CADPS2: variants seen among roughly 807,000 people sequenced by gnomAD.
CADPS2 encodes the protein calcium-dependent secretion activator 2.
CADPS2 carries 93 observed loss-of-function variants against 172.5 expected under a neutral mutation model. That is an observed-to-expected ratio of 0.54 (90% CI 0.46 to 0.64). The LOEUF (loss-of-function observed/expected upper bound fraction) is 0.64. CADPS2 is among the 30% of genes least tolerant of loss of function. CADPS2 has a pLI of 0.00. For missense variants in CADPS2, 1,420 were observed against 1,565.9 expected (o/e 0.91, Z 1.57); for synonymous variants, 546 against 555.2 (o/e 0.98, Z 0.23).
intron 2 of CADPS2, among the ~76,000 whole-genome samples, chr7:122,701,399 A>G (rs1363385988): frequency 2.0e-5 from 3 of 151,950 alleles, no homozygotes; most frequent in Non-Finnish European, 4.4e-5. Flanking sequence ...ATGAGAACAC[A>G]TGGACACAGG....
At position 122,663,579 on chromosome 7, in the gene CADPS2, A is replaced by C. The variant is rs2080851094; in HGVS notation, c.454-10T>G. 10 of 1,526,898 alleles carry C rather than the reference A, an allele frequency of 6.5e-6. No homozygotes were observed. Among genetic ancestry groups the C allele is most frequent in the South Asian group, 3.6e-5 (3 of 82,212 alleles). 94.6% of individuals were successfully genotyped at this position (1,526,898 alleles called of 1,614,324 possible). A position where few individuals can be genotyped will look rare whatever the true frequency, so the allele number is the denominator to read the frequency against. On this transcript the variant is annotated splice_polypyrimidine_tract_variant and intron_variant, in intron 2 of 29. Transcript: ENST00000449022. The stretch of plus-strand genomic sequence containing the variant: ...CACTCTTTAGAAAAACCTGAAAACA[A>C]AACAAAACAAAACAAAACAAAAAAC...
Position 122,886,230 on chromosome 7 carries a change from C to T in CADPS2, c.108G>A (p.Pro36=), listed in dbSNP as rs1230917610. ...AGSSQRAPPA[P]TREGRRDAPG... ...GCGCGTCCCGCCGCCCTTCCCGAGT[C>T]GGGGCTGGAGGAGCTCGCTGCGAGC... The change falls in exon 1 of 30, where the codon CCG becomes CCA. Residue 36 remains proline, a synonymous_variant. Transcript: ENST00000449022. 2.0e-6 allele frequency: 3 copies of T among 1,482,192 alleles called. No homozygotes were observed. The highest frequency in any genetic ancestry group is 2.7e-6 in the Non-Finnish European group (3 of 1,125,818). The allele number at this position is 1,482,192 out of a possible 1,614,324, so 91.8% of individuals were successfully genotyped here. A position where few individuals can be genotyped will look rare whatever the true frequency, so the allele number is the denominator to read the frequency against.
intron 2 of CADPS2, chr7:122,697,597 G>A (rs550964731): frequency 6.4e-4 from 329 of 515,788 alleles, no homozygotes; most frequent in African/African-American, 5.8e-3. Context: ...ACTTAGCAAA[G>A]GTCCAAAATT....
chr7:122,767,077 C>T (rs1589079384), intron 1 of CADPS2, among the ~76,000 whole-genome samples: 1 of 152,204 alleles, frequency 6.6e-6, no homozygotes, highest in East Asian at 1.9e-4. Flanking sequence ...AGACAGTTGC[C>T]TTCCAAAGCA....
chr7:122,424,713 C>T (rs1369679771), intron 17 of CADPS2, among the ~76,000 whole-genome samples: 4 of 152,180 alleles, frequency 2.6e-5, no homozygotes, highest in Non-Finnish European at 1.5e-5. Context: ...ACATTCGGCC[C>T]AATTTGAGTT....
chr7:122,488,480 G>A (rs2058034165), intron 11 of CADPS2, among the ~76,000 whole-genome samples: 1 of 152,198 alleles, frequency 6.6e-6, no homozygotes, highest in Non-Finnish European at 1.5e-5. Flanking sequence ...ATGATGTAAG[G>A]AATTCATAGG....
chr7:122,393,597 C>G lies in CADPS2; in HGVS notation c.2747-15G>C. 6.2e-7 allele frequency: 1 copy of G among 1,613,470 alleles called. No homozygotes were observed. Among genetic ancestry groups the G allele is most frequent in the Non-Finnish European group, 8.5e-7 (1 of 1,179,666 alleles). ...ACACAAAAGTGCTGAAATAGCCAAG[C>G]AGAAACAGTGTTTGTCAGAGGGATA... is the stretch of plus-strand genomic sequence containing the variant. On this transcript the variant is annotated splice_polypyrimidine_tract_variant and intron_variant, in intron 20 of 29. Transcript: ENST00000449022.
chr7:122,345,802 T>A, intron 27 of CADPS2, 121 bp from the exon 28 acceptor site: 1 of 595,930 alleles, frequency 1.7e-6, no homozygotes, highest in East Asian at 3.0e-5. Context: ...AGCTTAAAAC[T>A]AAACCAAAAG....
intron 6 of CADPS2, among the ~76,000 whole-genome samples, chr7:122,610,731 C>A (rs1042878138): frequency 8.6e-5 from 13 of 151,864 alleles, no homozygotes; most frequent in Admixed American, 8.5e-4. Flanking sequence ...GGAAAAAAAA[C>A]CATGGCATTG....
intron 1 of CADPS2, among the ~76,000 whole-genome samples, chr7:122,762,177 T>C (rs1463314771): frequency 6.6e-6 from 1 of 151,020 alleles, no homozygotes; most frequent in Non-Finnish European, 1.5e-5. Flanking sequence ...GAAGATAAAG[T>C]TCAAGAAATC....
intron 7 of CADPS2, among the ~76,000 whole-genome samples, chr7:122,565,093 A>T (rs1587362457): frequency 6.6e-6 from 1 of 152,192 alleles, no homozygotes; most frequent in South Asian, 2.1e-4. Flanking sequence ...GTGGGAAAGG[A>T]GGGTGAGCAC....
intron 15 of CADPS2, among the ~76,000 whole-genome samples, chr7:122,448,984 C>G (rs1283796347): frequency 6.6e-6 from 1 of 152,044 alleles, no homozygotes; most frequent in Non-Finnish European, 1.5e-5. Context: ...ATGAAGCTAT[C>G]CCATGAAAGA....
chr7:122,453,134 A>T (rs1213420667), intron 14 of CADPS2, among the ~76,000 whole-genome samples: 1 of 152,160 alleles, frequency 6.6e-6, no homozygotes, highest in Non-Finnish European at 1.5e-5. Context: ...ATAGGGAAAC[A>T]TTACTTAATT....
At chr7:122,629,366 T>C (rs750583184) in intron 3 of CADPS2, 38 bp from the exon 4 acceptor site, 98 of 1,518,990 alleles carry the variant, frequency 6.5e-5, no homozygotes, top group Non-Finnish European at 8.0e-5. Context: ...ATGTAATTAC[T>C]TAATCTATAT....
intron 1 of CADPS2, among the ~76,000 whole-genome samples, chr7:122,852,933 T>G (rs189038084): frequency 2.0e-4 from 31 of 152,334 alleles, no homozygotes; most frequent in African/African-American, 7.2e-4. Flanking sequence ...GAATCCTACA[T>G]GCAGACTGCT....
intron 2 of CADPS2, among the ~76,000 whole-genome samples, chr7:122,712,690 G>C (rs2088938343): frequency 6.6e-6 from 1 of 152,058 alleles, no homozygotes; most frequent in Non-Finnish European, 1.5e-5. Flanking sequence ...CCATAAACTG[G>C]GTAGCTTATA....
intron 15 of CADPS2, among the ~76,000 whole-genome samples, chr7:122,444,362 A>C (rs2051835730): frequency 6.6e-6 from 1 of 151,866 alleles, no homozygotes; most frequent in African/African-American, 2.4e-5. Context: ...TAAATGTTTA[A>C]ATTTTTAAGA....
rs746082486 is a variant in CADPS2, at chr7:122,438,332, T to C, written c.2476+9A>G. On this transcript the variant is annotated intron_variant, in intron 17 of 29. Transcript: ENST00000449022. ...CACTGCCACTTCGACAATTGCTCAC[T>C]GCACTGACCTTCTATTTTGGCATAT... 2 of 1,612,766 alleles carry C rather than the reference T, an allele frequency of 1.2e-6. No homozygotes were observed. Among genetic ancestry groups the C allele is most frequent in the South Asian group, 2.2e-5 (2 of 91,058 alleles).
At chr7:122,649,379 A>T (rs1423842637) in intron 3 of CADPS2, among the ~76,000 whole-genome samples, 2 of 152,148 alleles carry the variant, frequency 1.3e-5, no homozygotes, top group African/African-American at 4.8e-5. Context: ...ATTTCCTGGC[A>T]CCCAACTAGA....
Sources: gnomAD v4.1 joint callset for allele counts (sites outside exome capture counted in the v4.1 genomes callset) on GRCh38, gnomAD v4.1.1 for gene constraint, MANE v1.5 for transcripts, NCBI Gene and HGNC (gene_info 2026-07-23, HGNC 2026-07-21) for gene names.